The following GRXCR2 variants were observed in gnomAD, a reference collection of about 807,000 sequenced individuals.
The protein encoded by GRXCR2 is glutaredoxin domain-containing cysteine-rich protein 2.
Under a neutral mutation model 24.8 loss-of-function variants are expected in GRXCR2, and 23 were observed. The ratio of observed to expected loss-of-function variants is 0.93; its 90% CI spans 0.67 to 1.32. The LOEUF is 1.32. GRXCR2 is among the 40% of genes most tolerant of loss of function. The pLI is 0.00. For synonymous variants in GRXCR2, 130 were observed against 116.1 expected, an observed-to-expected ratio of 1.12 and a Z score of -0.77; for missense variants, 315 against 303.4, an observed-to-expected ratio of 1.04 and a Z score of -0.28.
chr5:145,865,559 T>C (rs1756415488), intron 2 of GRXCR2, among the ~76,000 whole-genome samples: 1 of 152,228 alleles, frequency 6.6e-6, no homozygotes, highest in South Asian at 2.1e-4. Context: ...CTGACAGCCA[T>C]ATTAGGTCAG....
chr5:145,885,983 A>C (rs1273445498), intron 2 of GRXCR2, among the ~76,000 whole-genome samples: 1 of 152,256 alleles, frequency 6.6e-6, no homozygotes, highest in African/African-American at 2.4e-5. Flanking sequence ...ATGAAATGTC[A>C]GTCATCTGAG....
chr5:145,926,357 C>A (rs1757394932), intron 2 of GRXCR2, among the ~76,000 whole-genome samples: 1 of 151,982 alleles, frequency 6.6e-6, no homozygotes, highest in South Asian at 2.1e-4. Context: ...TTTTTAATAT[C>A]TTTTAAAAAT....
chr5:145,914,454 T>G (rs1757207759), intron 2 of GRXCR2, among the ~76,000 whole-genome samples: 1 of 151,858 alleles, frequency 6.6e-6, no homozygotes, highest in Non-Finnish European at 1.5e-5. Context: ...GGCAGGTGGA[T>G]CACCTGAGGT....
intron 2 of GRXCR2, among the ~76,000 whole-genome samples, chr5:145,883,390 A>G (rs940343750): frequency 6.6e-6 from 1 of 152,194 alleles, no homozygotes; most frequent in African/African-American, 2.4e-5. Flanking sequence ...AACTTATGCA[A>G]TTGGTGGGAA....
At chr5:145,930,274 G>A (rs1343592730) in intron 2 of GRXCR2, among the ~76,000 whole-genome samples, 2 of 151,980 alleles carry the variant, frequency 1.3e-5, no homozygotes, top group East Asian at 3.9e-4. Flanking sequence ...TAGTAGAGAT[G>A]AGGTTTTGCC....
At chr5:145,860,036 C>G (rs140843458) in intron 2 of GRXCR2, 121 bp from the exon 3 acceptor site, 16 of 733,556 alleles carry the variant, frequency 2.2e-5, no homozygotes, top group African/African-American at 3.7e-5. Context: ...ATGCTTCCCA[C>G]GAATGTCAGT....
chr5:145,900,667 G>C (rs1376845125), intron 2 of GRXCR2, among the ~76,000 whole-genome samples: 1 of 152,172 alleles, frequency 6.6e-6, no homozygotes, highest in Non-Finnish European at 1.5e-5. Context: ...GCAGAGAAAA[G>C]GGAATGCTTA....
At chr5:145,921,343 T>G (rs1581356468) in intron 2 of GRXCR2, among the ~76,000 whole-genome samples, 1 of 152,150 alleles carries the variant, frequency 6.6e-6, no homozygotes, top group East Asian at 1.9e-4. Context: ...TAGCAGCAAA[T>G]GAGGTCACCC....
chr5:145,881,630 C>T (rs887170184), intron 2 of GRXCR2, among the ~76,000 whole-genome samples: 2 of 150,278 alleles, frequency 1.3e-5, no homozygotes, highest in East Asian at 2.0e-4. Flanking sequence ...CAATGCCATC[C>T]GCTACCAATG....
intron 2 of GRXCR2, among the ~76,000 whole-genome samples, chr5:145,887,022 T>C (rs567798922): frequency 6.6e-6 from 1 of 152,386 alleles, no homozygotes; most frequent in African/African-American, 2.4e-5. Context: ...GTTGTTCCAA[T>C]CATATTTAAA....
At chr5:145,913,095 T>C (rs932956039) in intron 2 of GRXCR2, among the ~76,000 whole-genome samples, 2 of 152,242 alleles carry the variant, frequency 1.3e-5, no homozygotes, top group Non-Finnish European at 2.9e-5. Context: ...CAGTAGAGAC[T>C]TCCCATGCCC....
At chr5:145,872,505 G>T in intron 1 of GRXCR2, 128 bp downstream of exon 1, 1 of 648,044 alleles carries the variant, frequency 1.5e-6, no homozygotes, top group Non-Finnish European at 2.6e-6. Flanking sequence ...CTTCCCATTT[G>T]GTGCACCAAC....
At chr5:145,908,041 G>A (rs1757114708) in intron 2 of GRXCR2, among the ~76,000 whole-genome samples, 2 of 152,170 alleles carry the variant, frequency 1.3e-5, no homozygotes, top group South Asian at 4.2e-4. Context: ...AAGATCAGAG[G>A]AAGCTCCAGC....
intron 2 of GRXCR2, among the ~76,000 whole-genome samples, chr5:145,916,832 G>A (rs1306796891): frequency 1.3e-5 from 2 of 152,088 alleles, no homozygotes; most frequent in East Asian, 3.9e-4. Context: ...GTGAGATAGG[G>A]AACAAGCATG....
chr5:145,892,093 T>C (rs976609365), intron 2 of GRXCR2, among the ~76,000 whole-genome samples: 2 of 151,974 alleles, frequency 1.3e-5, no homozygotes, highest in Admixed American at 6.6e-5. Flanking sequence ...GAAGGAAAAC[T>C]AACAAACAGA....
At position 145,879,723 on chromosome 5, in the gene GRXCR2, C is replaced by T. The variant is rs144845002; in HGVS notation, c.-69-12995G>A. 6.3e-3 allele frequency among the ~76,000 whole-genome samples: 960 copies of T among 152,300 alleles called. 3 individuals are homozygous for T. The highest frequency in any genetic ancestry group is 8.7e-3 in the Non-Finnish European group (593 of 68,030). On this transcript the variant is annotated intron_variant, in intron 2 of 3. Coordinates refer to the GRXCR2 transcript ENST00000639411. ...GGGCCTAATAGACATCTACAGAACT[C>T]TCTACCCCAAATCAACAGAATATAC...
At chr5:145,907,378 A>C (rs1053391443) in intron 2 of GRXCR2, among the ~76,000 whole-genome samples, 3 of 151,990 alleles carry the variant, frequency 2.0e-5, no homozygotes, top group African/African-American at 7.3e-5. Flanking sequence ...AAAATACAAA[A>C]ATTAGCCAGG....
At chr5:145,920,310 G>A (rs928902540) in intron 2 of GRXCR2, among the ~76,000 whole-genome samples, 10 of 152,152 alleles carry the variant, frequency 6.6e-5, no homozygotes, top group African/African-American at 2.4e-4. Context: ...GAGATGCATA[G>A]GCCCTGCCCA....
intron 2 of GRXCR2, among the ~76,000 whole-genome samples, chr5:145,890,305 G>C (rs1756845985): frequency 1.3e-5 from 2 of 152,116 alleles, no homozygotes; most frequent in African/African-American, 2.4e-5. Flanking sequence ...GGCCAGGCTG[G>C]TCTTGAACTT....
Sources: gnomAD v4.1 joint callset for allele counts (sites outside exome capture counted in the v4.1 genomes callset) on GRCh38, gnomAD v4.1.1 for gene constraint, MANE v1.5 for transcripts, NCBI Gene and HGNC (gene_info 2026-07-23, HGNC 2026-07-21) for gene names.